ZC4H2: variants seen among roughly 807,000 people sequenced by gnomAD.
ZC4H2 encodes zinc finger C4H2 domain-containing protein.
For missense variants in ZC4H2, 137 were observed against 173.9 expected (o/e 0.79, Z 1.19); for synonymous variants, 84 against 66.3 (o/e 1.27, Z -1.30).
At chrX:64,952,285 C>G (rs1344803304) in intron 1 of ZC4H2, among the ~76,000 whole-genome samples, 10 of 109,168 alleles carry the variant, frequency 9.2e-5, no homozygotes, top group South Asian at 3.9e-4. Context: ...GCAATGCAGG[C>G]TCTTTTTTGG....
intron 1 of ZC4H2, among the ~76,000 whole-genome samples, chrX:64,937,314 A>G (rs1281038182): frequency 1.8e-5 from 2 of 111,127 alleles, no homozygotes; most frequent in Non-Finnish European, 3.8e-5. Context: ...GCAAAGAAAC[A>G]CAGACTCCCA....
At chrX:65,008,549 T>G (rs1293843532) in intron 1 of ZC4H2, among the ~76,000 whole-genome samples, 1 of 112,303 alleles carries the variant, frequency 8.9e-6, no homozygotes, top group South Asian at 3.7e-4. Flanking sequence ...ATAGCCAAGC[T>G]AAGGAATCAA....
intron 1 of ZC4H2, among the ~76,000 whole-genome samples, chrX:65,008,047 T>C (rs1440863199): frequency 9.0e-6 from 1 of 111,016 alleles, no homozygotes; most frequent in African/African-American, 3.3e-5. Context: ...GGATAAAATA[T>C]TTGCAAAGTA....
At chrX:64,935,462 T>C (rs1480060813) in intron 1 of ZC4H2, among the ~76,000 whole-genome samples, 1 of 112,022 alleles carries the variant, frequency 8.9e-6, no homozygotes, top group Non-Finnish European at 1.9e-5. Context: ...CAGCACAGCA[T>C]TCAAGCTCTG....
chrX:65,001,085 A>C (rs1052866003), intron 1 of ZC4H2, among the ~76,000 whole-genome samples: 1 of 111,297 alleles, frequency 9.0e-6, no homozygotes, highest in Non-Finnish European at 1.9e-5. Flanking sequence ...AAAAAAGAGA[A>C]CACCACCAAG....
At chrX:64,976,207 T>A (rs951674271) in intron 1 of ZC4H2, 118 bp downstream of exon 1, 2 of 812,217 alleles carry the variant, frequency 2.5e-6, no homozygotes, top group Admixed American at 2.3e-5. Flanking sequence ...CCGGCAAGTC[T>A]GTGGTGAATG....
At chrX:64,962,052 A>T (rs1379579212) in intron 1 of ZC4H2, among the ~76,000 whole-genome samples, 1 of 111,487 alleles carries the variant, frequency 9.0e-6, no homozygotes, top group Non-Finnish European at 1.9e-5. Context: ...ACACTTCCAA[A>T]CTCATTTTAT....
rs181537986 is a variant in ZC4H2, at chrX:65,011,721, T to G, written c.-272+22908A>C. On this transcript the variant is annotated intron_variant, in intron 1 of 4. Coordinates refer to the ZC4H2 transcript ENST00000337990. ...GCCATCTTTTTTTTTTGTATTTTTT[T>G]TTGTTGTTGTTGTTAGACTGAGTCT... 7.6e-3 allele frequency among the ~76,000 whole-genome samples: 824 copies of G among 108,894 alleles called. 7 individuals are homozygous for G. The highest frequency in any genetic ancestry group is 0.025 in the African/African-American group (749 of 29,817). 94.6% of individuals were successfully genotyped at this position (108,894 alleles called of 115,157 possible).
chrX:64,995,556 C>T (rs760296718), intron 1 of ZC4H2, among the ~76,000 whole-genome samples: 9 of 112,242 alleles, frequency 8.0e-5, no homozygotes, highest in Non-Finnish European at 1.5e-4. Context: ...GACAGGGTTT[C>T]GCCATATTGC....
chrX:64,976,383 T>C lies in ZC4H2; in HGVS notation c.-6A>G. The C allele has an allele frequency of 1.7e-6, 2 of 1,210,827 alleles. No homozygotes were observed. Among genetic ancestry groups the C allele is most frequent in the South Asian group, 3.5e-5 (2 of 56,959 alleles). ...ATTTCTTGCTCATCTGCCATACTTT[T>C]CACTGTCAATTTCACGTCCCGAGAG... On this transcript the variant is annotated 5_prime_UTR_variant, in exon 1 of 5. Coordinates refer to ENST00000374839, the MANE Select transcript of ZC4H2 (RefSeq NM_018684.4).
intron 1 of ZC4H2, among the ~76,000 whole-genome samples, chrX:64,938,510 G>A (rs1339697866): frequency 8.9e-6 from 1 of 111,911 alleles, no homozygotes; most frequent in Non-Finnish European, 1.9e-5. Context: ...CAATATCCCT[G>A]ATGAACATCG....
chrX:65,016,477 G>A (rs1002109762), intron 1 of ZC4H2, among the ~76,000 whole-genome samples: 2 of 112,064 alleles, frequency 1.8e-5, no homozygotes, highest in Non-Finnish European at 3.8e-5. Context: ...CAACCATGTA[G>A]GTTGTAGGAT....
Position 64,931,918 on chromosome X carries a change from T to C in ZC4H2, c.54-9930A>G, listed in dbSNP as rs754372595. Reference sequence around the variant, plus strand: ...CCACTGTTTCTTTGTTGACTTTCTGTCTTGATGATCTGTCTAGTGCTGTAA... The same window carrying C: ...CCACTGTTTCTTTGTTGACTTTCTGCCTTGATGATCTGTCTAGTGCTGTAA... On this transcript the variant is annotated intron_variant, in intron 1 of 4. Transcript: ENST00000374839. Among the ~76,000 whole-genome samples, 248 of 111,948 alleles carry C rather than the reference T, an allele frequency of 2.2e-3. 1 individual carries two copies. Among genetic ancestry groups the C allele is most frequent in the African/African-American group, 7.7e-3 (237 of 30,880 alleles).
chrX:64,993,060 C>T (rs1303110831), intron 1 of ZC4H2, among the ~76,000 whole-genome samples: 3 of 112,079 alleles, frequency 2.7e-5, no homozygotes, highest in African/African-American at 9.7e-5. Context: ...TTGCATCCTC[C>T]ACCATAGAGT....
intron 1 of ZC4H2, among the ~76,000 whole-genome samples, chrX:65,023,411 G>T (rs1253212691): frequency 4.5e-5 from 5 of 111,725 alleles, no homozygotes; most frequent in Non-Finnish European, 9.4e-5. Context: ...GGAGTGGTGA[G>T]CAAGGGCATC....
intron 1 of ZC4H2, among the ~76,000 whole-genome samples, chrX:64,940,219 G>A (rs982411401): frequency 1.8e-5 from 2 of 111,759 alleles, no homozygotes; most frequent in Non-Finnish European, 3.8e-5. Context: ...TCTGAGAATT[G>A]TCTGTTCATA....
chrX:65,005,647 G>C (rs1004768935), intron 1 of ZC4H2, among the ~76,000 whole-genome samples: 3 of 111,301 alleles, frequency 2.7e-5, no homozygotes, highest in South Asian at 7.6e-4. Flanking sequence ...ACATAGGCAC[G>C]GGCAAAGACT....
chrX:64,962,146 A>G, intron 1 of ZC4H2, among the ~76,000 whole-genome samples: 1 of 111,807 alleles, frequency 8.9e-6, no homozygotes, highest in Non-Finnish European at 1.9e-5. Flanking sequence ...TGATGAATAT[A>G]CAGGTAAAAA....
At chrX:64,978,472 C>T (rs777964774), upstream of ZC4H2, among the ~76,000 whole-genome samples, 28 of 111,761 alleles carry the variant, frequency 2.5e-4, no homozygotes, top group African/African-American at 9.1e-4. Flanking sequence ...AGCTCTGTCC[C>T]GTAAGGGGAG....
Sources: gnomAD v4.1 joint callset for allele counts (sites outside exome capture counted in the v4.1 genomes callset) on GRCh38, gnomAD v4.1.1 for gene constraint, MANE v1.5 for transcripts, NCBI Gene and HGNC (gene_info 2026-07-23, HGNC 2026-07-21) for gene names.